Variants in MOGAT3 observed in about 807,000 individuals in gnomAD.
MOGAT3 encodes the protein 2-acylglycerol O-acyltransferase 3.
MOGAT3 carries 39 observed loss-of-function variants against 34.4 expected under a neutral mutation model. That is an observed-to-expected ratio of 1.13 (90% CI 0.88 to 1.48). MOGAT3 has a LOEUF of 1.48. Among genes scored for constraint, MOGAT3 ranks in the 40% most tolerant of loss-of-function variants. MOGAT3 has a pLI of 0.00. For missense variants in MOGAT3, 439 were observed against 438.9 expected, an observed-to-expected ratio of 1.00 and a Z score of 0.00; for synonymous variants, 209 against 179.2, an observed-to-expected ratio of 1.17 and a Z score of -1.33.
At chr7:101,194,376 C>T (rs1276266035), downstream of MOGAT3, among the ~76,000 whole-genome samples, 9 of 151,574 alleles carry the variant, frequency 5.9e-5, no homozygotes, top group African/African-American at 2.4e-5. Context: ...TTAGTAGAGA[C>T]GGGGTTTCAC....
At chr7:101,193,771 CTTA>C (rs1264460281), downstream of MOGAT3, among the ~76,000 whole-genome samples, 4 of 152,060 alleles carry the variant, frequency 2.6e-5, no homozygotes, top group Non-Finnish European at 5.9e-5. Context: ...GAATGTAGAA[CTTA>C]TTATCTGAGA....
In MOGAT3 at chr7:101,201,023, G is replaced by A. The variant is rs1200143435; in HGVS notation, c.-169C>T. 2 of 553,626 alleles carry A rather than the reference G, an allele frequency of 3.6e-6. No individual in the cohort carries two copies. The highest frequency in any genetic ancestry group is 6.5e-6 in the Non-Finnish European group (2 of 309,240). The allele number at this position is 553,626 out of a possible 1,614,324, so 34.3% of individuals were successfully genotyped here. ...CGTGTGTCCGTAGGTGTGTGAGTGG[G>A]GAGATCTTTGGATCCAGAGCCCCAG... On this transcript the variant is annotated 5_prime_UTR_variant, in exon 1 of 7. Coordinates refer to ENST00000223114, the MANE Select transcript of MOGAT3 (RefSeq NM_178176.4).
chr7:101,198,423 C>A, intron 4 of MOGAT3, 58 bp from the exon 5 acceptor site: 1 of 1,480,514 alleles, frequency 6.8e-7, no homozygotes, highest in Non-Finnish European at 9.0e-7. Flanking sequence ...ACCCCCGCCC[C>A]TCACCCAGCC....
intron 5 of MOGAT3, 131 bp from the exon 6 acceptor site, chr7:101,196,520 A>G: frequency 1.6e-6 from 1 of 608,826 alleles, no homozygotes; most frequent in Non-Finnish European, 2.9e-6. Context: ...GCACATGACT[A>G]TGGCTACAAA....
At chr7:101,200,361 C>T in intron 2 of MOGAT3, 47 bp downstream of exon 2, 7 of 1,610,986 alleles carry the variant, frequency 4.3e-6, no homozygotes, top group Non-Finnish European at 5.9e-6. Context: ...CCTCACCCCC[C>T]ATGTCCCCAC....
In MOGAT3 at chr7:101,198,453, C is replaced by T. The variant is rs1015890612; in HGVS notation, c.494-88G>A. 2.8e-6 allele frequency: 4 copies of T among 1,407,786 alleles called. No homozygotes were observed. The African/African-American group carries it at 4.3e-5, about 15-fold the overall frequency. The allele number at this position is 1,407,786 out of a possible 1,614,324, so 87.2% of individuals were successfully genotyped here. A position where few individuals can be genotyped will look rare whatever the true frequency, so the allele number is the denominator to read the frequency against. ...CCAGCCTTTAGTTCCAAGCCCCCTA[C>T]CCCCATCTCCAAGGCGGGGAACCTA... On this transcript the variant is annotated intron_variant, in intron 4 of 6. Transcript: ENST00000223114.
Position 101,200,969 on chromosome 7 carries a change from G to T in MOGAT3, c.-115C>A. 1 of 761,452 alleles carries T rather than the reference G, an allele frequency of 1.3e-6. No individual in the cohort carries two copies. 47.2% of individuals were successfully genotyped at this position (761,452 alleles called of 1,614,324 possible). A position where few individuals can be genotyped will look rare whatever the true frequency, so the allele number is the denominator to read the frequency against. On this transcript the variant is annotated 5_prime_UTR_variant, in exon 1 of 7. Transcript: ENST00000223114. ...ACAGGAGCCCAGCTTTGGGGGCCTG[G>T]CTAAGTCGCAAATCACCTCCCAGAG...
chr7:101,198,283 C>A lies in MOGAT3; in HGVS notation c.576G>T (p.Gly192=). The change falls in exon 5 of 7, where the codon GGG becomes GGT. Residue 192 remains glycine, a synonymous_variant. Coordinates refer to ENST00000223114, the MANE Select transcript of MOGAT3 (RefSeq NM_178176.4). ...CTGAATACAGGGCCTCGTGCGCACC[C>A]CCCACCATGATGACCACGGCCTGCC... is the stretch of plus-strand genomic sequence containing the variant. ...QLGQAVVIMV[G]GAHEALYSVP... is the part of the protein sequence containing the mutation. 6.2e-7 allele frequency: 1 copy of A among 1,608,476 alleles called. No homozygotes were observed. Among genetic ancestry groups the A allele is most frequent in the African/African-American group, 1.3e-5 (1 of 74,830 alleles).
rs113806269 is a variant in MOGAT3, at chr7:101,197,801, G to A, written c.668+390C>T. 8.2e-3 allele frequency among the ~76,000 whole-genome samples: 1,251 copies of A among 152,278 alleles called. 10 individuals carry two copies. The highest frequency in any genetic ancestry group is 0.027 in the African/African-American group (1,122 of 41,554). ...TGTAGTCCCAACTACTCGGGAGGCGGAGGTTGCAGTGAGCCGAGACCACGC... is the reference window on the plus strand; with the variant it reads ...TGTAGTCCCAACTACTCGGGAGGCGAAGGTTGCAGTGAGCCGAGACCACGC... On this transcript the variant is annotated intron_variant, in intron 5 of 6. Transcript: ENST00000223114.
Position 101,200,274 on chromosome 7 carries a change from C to G in MOGAT3, c.248G>C (p.Arg83Pro). 2 of 1,613,986 alleles carry G rather than the reference C, an allele frequency of 1.2e-6. No individual in the cohort carries two copies. Among genetic ancestry groups the G allele is most frequent in the Non-Finnish European group, 1.7e-6 (2 of 1,180,002 alleles). The change falls in exon 3 of 7, where the codon CGG becomes CCG. Residue 83 changes from arginine to proline, a missense_variant. Coordinates refer to ENST00000223114, the MANE Select transcript of MOGAT3 (RefSeq NM_178176.4). ...ATCCCTTAGTTGTCTCCAAATTGCC[C>G]GGTTCCTTATCCACTCCGAACGCCT... is the stretch of plus-strand genomic sequence containing the variant. Reference protein sequence around the residue: ...GGRRSEWIRNRAIWRQLRDYY... With the variant: ...GGRRSEWIRNPAIWRQLRDYY...
Position 101,198,480 on chromosome 7 carries a change from C to G in MOGAT3, c.494-115G>C, listed in dbSNP as rs371951185. 7,917 of 1,349,742 alleles carry G rather than the reference C, an allele frequency of 5.9e-3. 57 individuals carry two copies. Among genetic ancestry groups the G allele is most frequent in the South Asian group, 0.018 (1,255 of 68,404 alleles). The allele number at this position is 1,349,742 out of a possible 1,614,324, so 83.6% of individuals were successfully genotyped here. ...CCCATCTCCAAGGCGGGGAACCTAC[C>G]CAAATGCTCACTGCAAGTCTGGGCA... On this transcript the variant is annotated intron_variant, in intron 4 of 6. Transcript: ENST00000223114.
At chr7:101,194,592 T>C (rs1797737684), downstream of MOGAT3, among the ~76,000 whole-genome samples, 1 of 141,756 alleles carries the variant, frequency 7.1e-6, no homozygotes, top group African/African-American at 2.6e-5. Context: ...AAGCTCCGCC[T>C]CACGGGTTCA....
At position 101,200,243 on chromosome 7, in the gene MOGAT3, A is replaced by G. The variant is rs1416553547; in HGVS notation, c.279T>C (p.Tyr93=). ...RAIWRQLRDY[Y]PVKLVKTAEL... ...CAGGGTGACCCATCACCTTGACAGG[A>G]TAATAATCCCTTAGTTGTCTCCAAA... The change falls in exon 3 of 7, where the codon TAT becomes TAC. Residue 93 remains tyrosine, a synonymous_variant. Transcript: ENST00000223114. 6.2e-7 allele frequency: 1 copy of G among 1,613,970 alleles called. No individual in the cohort carries two copies. The highest frequency in any genetic ancestry group is 2.2e-5 in the East Asian group (1 of 44,858).
rs111587507 is a variant in MOGAT3 at position 101,200,977 on chromosome 7, G to C, written c.-123C>G. The C allele has an allele frequency of 1.9e-3, 1,322 of 678,498 alleles. 12 individuals carry two copies. The African/African-American group carries it at 0.02, about 10-fold the overall frequency. The allele number at this position is 678,498 out of a possible 1,614,324, so 42.0% of individuals were successfully genotyped here. ...CCAGCTTTGGGGGCCTGGCTAAGTC[G>C]CAAATCACCTCCCAGAGTAGCGTGT... is the stretch of plus-strand genomic sequence containing the variant. On this transcript the variant is annotated 5_prime_UTR_variant, in exon 1 of 7. Transcript: ENST00000223114.
In MOGAT3 at chr7:101,200,215, C is replaced by T; in HGVS notation, c.288+19G>A. The T allele has an allele frequency of 1.2e-6, 2 of 1,610,834 alleles. No individual in the cohort carries two copies. Among genetic ancestry groups the T allele is most frequent in the Non-Finnish European group, 1.7e-6 (2 of 1,177,148 alleles). The stretch of plus-strand genomic sequence containing the variant: ...TGGGGAGAGGTAGGAAGCAGTTTTT[C>T]TGCAGGGTGACCCATCACCTTGACA... On this transcript the variant is annotated intron_variant, in intron 3 of 6. Transcript: ENST00000223114.
Position 101,198,774 on chromosome 7 carries a change from A to G in MOGAT3, c.345T>C (p.Pro115=). Residue 115 remains proline (P), a synonymous_variant, in exon 4 of 7, where the codon CCT becomes CCC. Transcript: ENST00000223114. The part of the protein sequence containing the change: ...PDRNYVLGAH[P]HGIMCTGFLC... ...GGAAGCCTGTACACATGATCCCATG[A>G]GGGTGGGCGCCCAGCACGTAGTTCC... 1.2e-6 allele frequency: 2 copies of G among 1,613,842 alleles called. No homozygotes were observed. Among genetic ancestry groups the G allele is most frequent in the Non-Finnish European group, 1.7e-6 (2 of 1,179,940 alleles).
In MOGAT3 at chr7:101,198,302, G is replaced by T; in HGVS notation, c.557C>A (p.Ala186Asp). 1 of 1,600,832 alleles carries T rather than the reference G, an allele frequency of 6.2e-7. No homozygotes were observed. The highest frequency in any genetic ancestry group is 1.1e-5 in the South Asian group (1 of 89,614). ...CGCACCCCCCACCATGATGACCACG[G>T]CCTGCCCGAGCTGGGGCTGGGACAG... ...FILSQPQLGQ[A>D]VVIMVGGAHE... The change falls in exon 5 of 7, where the codon GCC (alanine) becomes GAC (aspartate). Residue 186 changes from alanine (A) to aspartate (D), a missense_variant. Coordinates refer to ENST00000223114, the MANE Select transcript of MOGAT3 (RefSeq NM_178176.4).
chr7:101,197,567 C>T (rs186398436), intron 5 of MOGAT3, among the ~76,000 whole-genome samples: 141 of 152,228 alleles, frequency 9.3e-4, no homozygotes, highest in Non-Finnish European at 1.8e-3. Context: ...GCAATAACAA[C>T]ATCGTGGCAA....
chr7:101,198,212 A>G lies in MOGAT3; in HGVS notation c.647T>C (p.Val216Ala). The G allele has an allele frequency of 6.2e-7, 1 of 1,613,024 alleles. No homozygotes were observed. Among genetic ancestry groups the G allele is most frequent in the Non-Finnish European group, 8.5e-7 (1 of 1,179,472 alleles). Residue 216 changes from valine (V) to alanine (A), a missense_variant, in exon 5 of 7, where the codon GTG becomes GCG. Coordinates refer to ENST00000223114, the MANE Select transcript of MOGAT3 (RefSeq NM_178176.4). ...TCACCCGTGCCTCAGCGCCAGGCGC[A>G]CGAAGCCTTTGCGCTTCTGGAGCGT... The part of the protein sequence containing the change: ...CLTLQKRKGF[V>A]RLALRHGASL...
Sources: gnomAD v4.1 joint callset for allele counts (sites outside exome capture counted in the v4.1 genomes callset) on GRCh38, gnomAD v4.1.1 for gene constraint, MANE v1.5 for transcripts, NCBI Gene and HGNC (gene_info 2026-07-23, HGNC 2026-07-21) for gene names.